The following ZC3H3 variants were observed in gnomAD, a reference collection of about 807,000 sequenced individuals.
ZC3H3 encodes the protein zinc finger CCCH-type containing 3.
Under a neutral mutation model 77.3 loss-of-function variants are expected in ZC3H3, and 36 were observed. The observed-to-expected ratio is 0.47, with a 90% confidence interval of 0.36 to 0.61. The LOEUF (loss-of-function observed/expected upper bound fraction) is 0.61. ZC3H3 is among the 20% of genes least tolerant of loss of function. The pLI, the probability that ZC3H3 is intolerant of heterozygous loss-of-function variation, is 0.00. For missense variants in ZC3H3, 1,331 were observed against 1,312.2 expected (o/e 1.01, Z -0.22); for synonymous variants, 626 against 555.2 (o/e 1.13, Z -1.79).
intron 4 of ZC3H3, among the ~76,000 whole-genome samples, chr8:143,501,455 C>A (rs1245357902): frequency 6.6e-6 from 1 of 152,206 alleles, no homozygotes; most frequent in Non-Finnish European, 1.5e-5. Flanking sequence ...CCACCTGCCT[C>A]GGCCTCCCAA....
At chr8:143,537,342 C>T (rs969102022) in intron 2 of ZC3H3, among the ~76,000 whole-genome samples, 3 of 152,212 alleles carry the variant, frequency 2.0e-5, no homozygotes, top group East Asian at 1.9e-4. Context: ...CTCAACACTC[C>T]GCAAGGGAGG....
chr8:143,525,027 A>AAAGT (rs1281590484), intron 3 of ZC3H3, among the ~76,000 whole-genome samples: 1 of 41,628 alleles, frequency 2.4e-5, no homozygotes, highest in African/African-American at 6.8e-5. Context: ...GCAAGCTGCT[A>AAAGT]AACTTACGGT....
At chr8:143,486,498 C>T (rs992933619) in intron 4 of ZC3H3, among the ~76,000 whole-genome samples, 1 of 152,236 alleles carries the variant, frequency 6.6e-6, no homozygotes, top group Admixed American at 6.5e-5. Flanking sequence ...GGGCCAAACA[C>T]GTATAATCCC....
At chr8:143,477,879 T>C (rs13257849) in intron 4 of ZC3H3, among the ~76,000 whole-genome samples, 97,249 of 152,138 alleles carry the variant, frequency 0.64, 31,594 homozygotes, top group South Asian at 0.77. Context: ...CTGGCCATCA[T>C]ACAACTGGGG....
intron 3 of ZC3H3, among the ~76,000 whole-genome samples, chr8:143,513,195 G>A (rs370017661): frequency 2.0e-5 from 3 of 152,140 alleles, no homozygotes; most frequent in African/African-American, 4.8e-5. Flanking sequence ...GGACCATGCC[G>A]CCCTCAGGAA....
chr8:143,478,008 C>T (rs535437645), intron 4 of ZC3H3, among the ~76,000 whole-genome samples: 15 of 152,268 alleles, frequency 9.9e-5, no homozygotes, highest in Admixed American at 9.8e-4. Flanking sequence ...GGTAAGTCTG[C>T]ACTCTCGGGG....
intron 9 of ZC3H3, among the ~76,000 whole-genome samples, chr8:143,454,700 C>T (rs557729714): frequency 3.9e-4 from 60 of 152,212 alleles, no homozygotes; most frequent in Admixed American, 3.1e-3. Flanking sequence ...CATGAGCCAC[C>T]GCGCCCAGCC....
At chr8:143,459,312 C>T (rs1216923419) in intron 9 of ZC3H3, among the ~76,000 whole-genome samples, 2 of 152,234 alleles carry the variant, frequency 1.3e-5, no homozygotes, top group Non-Finnish European at 2.9e-5. Context: ...CTTTGGGAGG[C>T]CAAGGCGGGC....
chr8:143,465,938 G>A (rs998590382), intron 8 of ZC3H3, 90 bp from the exon 9 acceptor site: 20 of 1,487,422 alleles, frequency 1.3e-5, no homozygotes, highest in African/African-American at 2.8e-5. Context: ...GGCCCCGCCC[G>A]AGAGAGAAAT....
intron 4 of ZC3H3, among the ~76,000 whole-genome samples, chr8:143,480,019 A>G (rs1435853973): frequency 6.6e-6 from 1 of 152,190 alleles, no homozygotes; most frequent in Admixed American, 6.5e-5. Flanking sequence ...TGTCTCTGAA[A>G]GCCCCTGTCC....
chr8:143,509,838 G>A (rs1468442705), intron 3 of ZC3H3, among the ~76,000 whole-genome samples: 4 of 152,178 alleles, frequency 2.6e-5, no homozygotes, highest in Non-Finnish European at 5.9e-5. Context: ...CCCCAGACCT[G>A]GCCCAGCTCC....
intron 9 of ZC3H3, among the ~76,000 whole-genome samples, chr8:143,457,360 A>C (rs1310613204): frequency 1.3e-5 from 2 of 152,168 alleles, no homozygotes; most frequent in Non-Finnish European, 2.9e-5. Flanking sequence ...TTCTCTTCAG[A>C]TCATATGACT....
chr8:143,505,119 C>T (rs1348930505), intron 4 of ZC3H3, among the ~76,000 whole-genome samples: 4 of 152,194 alleles, frequency 2.6e-5, no homozygotes, highest in South Asian at 2.1e-4. Flanking sequence ...CTCTGACCAC[C>T]GTGGCTTCCA....
At chr8:143,469,533 C>G (rs1820505171) in intron 5 of ZC3H3, among the ~76,000 whole-genome samples, 1 of 152,222 alleles carries the variant, frequency 6.6e-6, no homozygotes, top group African/African-American at 2.4e-5. Context: ...CTCCTCAAAA[C>G]CCCAAGCATA....
intron 3 of ZC3H3, among the ~76,000 whole-genome samples, chr8:143,513,394 C>T (rs1050221162): frequency 2.0e-5 from 3 of 152,164 alleles, no homozygotes; most frequent in African/African-American, 7.2e-5. Flanking sequence ...GTCCCCATCT[C>T]CTCTCCTGCA....
At chr8:143,514,260 G>T (rs1025717895) in intron 3 of ZC3H3, among the ~76,000 whole-genome samples, 1 of 152,126 alleles carries the variant, frequency 6.6e-6, no homozygotes, top group African/African-American at 2.4e-5. Flanking sequence ...AGGTCCACAG[G>T]AGACTGCCCT....
At chr8:143,482,722 G>A (rs1040973394) in intron 4 of ZC3H3, among the ~76,000 whole-genome samples, 12 of 152,212 alleles carry the variant, frequency 7.9e-5, no homozygotes, top group African/African-American at 1.2e-4. Context: ...CGAGAAGGGC[G>A]AGCCTGTCCC....
rs1168746892 is a variant in ZC3H3, at chr8:143,539,021, G to T, written c.346C>A (p.Gln116Lys). ...PQQHVLERQV[Q>K]LSQGQNVVIK... ...ACCACGTTCTGACCCTGACTGAGCT[G>T]GACCTGTCTCTCAAGGACATGCTGC... Residue 116 changes from glutamine to lysine, a missense_variant, in exon 2 of 12, where the codon CAG becomes AAG. Physicochemically the swap from Gln to Lys is moderately conservative, Grantham distance 53 (BLOSUM62 1). Coordinates refer to ENST00000262577, the MANE Select transcript of ZC3H3 (RefSeq NM_015117.3). The T allele has an allele frequency of 6.2e-7, 1 of 1,613,060 alleles. No individual in the cohort carries two copies. Among genetic ancestry groups the T allele is most frequent in the Non-Finnish European group, 8.5e-7 (1 of 1,180,032 alleles).
Position 143,475,488 on chromosome 8 carries a change from C to T in ZC3H3, c.1813G>A (p.Gly605Arg), listed in dbSNP as rs1050525977. Residue 605 changes from glycine (G) to arginine (R), a missense_variant, in exon 5 of 12, where the codon GGA becomes AGA. This residue lies in a region of ZC3H3 where 978 missense variants were observed against 915.5 expected (regional missense o/e 1.07). Transcript: ENST00000262577. ...GCAGATACTTTGTAGAGGACCCCTC[C>T]GATGCAGCGGTAGCCTTTGCTCCGC... Reference protein sequence around the residue: ...WWRSKGYRCIGGVLYKVSANK... With the variant: ...WWRSKGYRCIRGVLYKVSANK... The T allele has an allele frequency of 2.2e-5, 35 of 1,612,948 alleles. No individual in the cohort carries two copies. Among genetic ancestry groups the T allele is most frequent in the Non-Finnish European group, 2.8e-5 (33 of 1,179,958 alleles).
Sources: gnomAD v4.1 joint callset for allele counts (sites outside exome capture counted in the v4.1 genomes callset) on GRCh38, gnomAD v4.1.1 for gene constraint, gnomAD v4.1.1 regional missense constraint, MANE v1.5 for transcripts, NCBI Gene and HGNC (gene_info 2026-07-23, HGNC 2026-07-21) for gene names.